ZNF362: variants seen among roughly 807,000 people sequenced by gnomAD.
The protein encoded by ZNF362 is zinc finger protein 362, also known as rotund homolog.
Under a neutral mutation model 42.9 loss-of-function variants are expected in ZNF362, and 11 were observed. That is an observed-to-expected ratio of 0.26 (90% CI 0.16 to 0.42). The LOEUF is 0.42. Among genes scored for constraint, ZNF362 ranks in the 20% least tolerant of loss-of-function variants. The pLI is 1.00. For synonymous variants in ZNF362, 255 were observed against 257.3 expected (o/e 0.99, Z 0.09); for missense variants, 362 against 576.2 (o/e 0.63, Z 3.81).
intron 4 of ZNF362, among the ~76,000 whole-genome samples, chr1:33,278,060 GTTA>G (rs1645964701): frequency 1.3e-5 from 2 of 152,088 alleles, no homozygotes; most frequent in South Asian, 2.1e-4. Context: ...TATGTCCCCT[GTTA>G]TTATGATTTT....
At chr1:33,197,607 A>G in the ZNF362 span, among the ~76,000 whole-genome samples, 1 of 152,204 alleles carries the variant, frequency 6.6e-6, no homozygotes, top group Non-Finnish European at 1.5e-5. Flanking sequence ...AAGGTGAGCT[A>G]AACAGTTTCC....
At chr1:33,205,941 T>C in the ZNF362 span, among the ~76,000 whole-genome samples, 2 of 151,908 alleles carry the variant, frequency 1.3e-5, no homozygotes, top group African/African-American at 4.8e-5. Flanking sequence ...AAATAAAAGA[T>C]AGACAAATAG....
At chr1:33,143,010 T>A in the ZNF362 span, 1 of 152,328 alleles carries the variant, frequency 6.6e-6, no homozygotes, top group South Asian at 2.1e-4. Context: ...GTTACTGCCA[T>A]TCTATCATTT....
At chr1:33,174,742 C>A in the ZNF362 span, among the ~76,000 whole-genome samples, 2 of 152,248 alleles carry the variant, frequency 1.3e-5, no homozygotes, top group African/African-American at 4.8e-5. Context: ...TAGGATTCAG[C>A]TCAACAGAGC....
chr1:33,297,081 G>A (rs1270186733), intron 8 of ZNF362, among the ~76,000 whole-genome samples: 1 of 152,134 alleles, frequency 6.6e-6, no homozygotes, highest in Non-Finnish European at 1.5e-5. Flanking sequence ...GCTAAGTGCT[G>A]AGTCTGTAAC....
chr1:33,256,166 A>AGGCGGC (rs1553177227), upstream of ZNF362, among the ~76,000 whole-genome samples: 3 of 147,018 alleles, frequency 2.0e-5, no homozygotes, highest in Non-Finnish European at 4.5e-5. Context: ...CAACTTTGCC[A>AGGCGGC]GGCGGTGGCG....
chr1:33,243,553 C>T, the ZNF362 span, among the ~76,000 whole-genome samples: 1 of 151,782 alleles, frequency 6.6e-6, no homozygotes, highest in Admixed American at 6.6e-5. Flanking sequence ...AAGTGATGGA[C>T]CTGAAGGAGA....
At chr1:33,181,556 GCTA>G in the ZNF362 span, 2 of 1,417,778 alleles carry the variant, frequency 1.4e-6, no homozygotes, top group African/African-American at 3.0e-5. This position sits in a 1 kb window ranked among gnomAD's most constrained non-coding sequence, Gnocchi z 6.5. Context: ...AGGGGTAGGA[GCTA>G]CCGGAGAAGG....
At chr1:33,222,008 A>G in the ZNF362 span, among the ~76,000 whole-genome samples, 2 of 152,300 alleles carry the variant, frequency 1.3e-5, no homozygotes, top group Non-Finnish European at 1.5e-5. Context: ...AGACAGAAAG[A>G]AAGAGTGAGG....
chr1:33,280,153 G>A lies in ZNF362; in HGVS notation c.379G>A (p.Val127Met). The A allele has an allele frequency of 1.9e-6, 3 of 1,596,962 alleles. No individual in the cohort carries two copies. The highest frequency in any genetic ancestry group is 2.6e-6 in the Non-Finnish European group (3 of 1,168,414). ...GGGGCTGTCCACCCGGACCCCGTCT[G>A]TGAGCACTTCTGAGTCAAGCGCGGG... is the stretch of plus-strand genomic sequence containing the variant. ...GLGLSTRTPS[V>M]STSESSAGAG... Residue 127 changes from valine to methionine, a missense_variant, in exon 5 of 9, where the codon GTG becomes ATG. Physicochemically the swap from Val to Met is conservative, Grantham distance 21 (BLOSUM62 1). This residue lies in a region of ZNF362 where 266 missense variants were observed against 365.4 expected (regional missense o/e 0.73). Coordinates refer to ENST00000539719, the MANE Select transcript of ZNF362 (RefSeq NM_152493.3). The surrounding 1 kb of genome is among the most constrained non-coding windows in gnomAD (Gnocchi z 5.6).
chr1:33,144,154 T>C, the ZNF362 span, among the ~76,000 whole-genome samples: 1 of 121,116 alleles, frequency 8.3e-6, no homozygotes, highest in Non-Finnish European at 1.8e-5. Flanking sequence ...TTTTTTTTTT[T>C]TGAGACGGAG....
In ZNF362 at chr1:33,280,379, C is replaced by A; in HGVS notation, c.605C>A (p.Pro202Gln). The A allele has an allele frequency of 6.2e-7, 1 of 1,613,668 alleles. No individual in the cohort carries two copies. The highest frequency in any genetic ancestry group is 2.2e-5 in the East Asian group (1 of 44,832). ...RGRKKIKAEN[P>Q]GGPPVLVVPY... ...CGCAAAAAGATCAAGGCGGAGAACC[C>A]GGGGGGTCCGCCTGTCCTTGTAGTC... Residue 202 changes from proline to glutamine, a missense_variant, in exon 5 of 9, where the codon CCG (proline) becomes CAG (glutamine). By Grantham distance (76) the Pro-to-Gln change is moderately conservative. Transcript: ENST00000539719. This position sits in a 1 kb window ranked among gnomAD's most constrained non-coding sequence, Gnocchi z 5.6.
chr1:33,283,741 A>G (rs546610032), intron 6 of ZNF362, among the ~76,000 whole-genome samples: 4 of 152,304 alleles, frequency 2.6e-5, no homozygotes, highest in South Asian at 2.1e-4. Flanking sequence ...AAATGGTACA[A>G]TGGCAGCAGG....
chr1:33,300,486 G>GA lies in ZNF362; in HGVS notation c.*1446dup, dbSNP rs1646159978. The GA allele has an allele frequency of 6.6e-6, 1 of 152,310 alleles. No individual in the cohort carries two copies. The highest frequency in any genetic ancestry group is 1.5e-5 in the Non-Finnish European group (1 of 68,014). 9.4% of individuals were successfully genotyped at this position (152,310 alleles called of 1,614,324 possible). ...TAGAACTAGTTACCTTATTAAAAAA[G>GA]AAAAAACAGTCTGTTGGCTTCTCAG... On this transcript the variant is annotated 3_prime_UTR_variant, in exon 9 of 9. Coordinates refer to ENST00000539719, the MANE Select transcript of ZNF362 (RefSeq NM_152493.3).
chr1:33,296,961 T>C (rs1215488763), intron 8 of ZNF362, among the ~76,000 whole-genome samples: 2 of 152,022 alleles, frequency 1.3e-5, no homozygotes, highest in African/African-American at 4.8e-5. Context: ...TGCACCACTG[T>C]GCCTGGCAGG....
At chr1:33,226,652 G>A in the ZNF362 span, among the ~76,000 whole-genome samples, 1 of 152,202 alleles carries the variant, frequency 6.6e-6, no homozygotes, top group Non-Finnish European at 1.5e-5. Context: ...ATCACCTGAG[G>A]TCAGGAGTTC....
At chr1:33,149,858 C>T in the ZNF362 span, among the ~76,000 whole-genome samples, 3 of 152,170 alleles carry the variant, frequency 2.0e-5, no homozygotes, top group Admixed American at 1.3e-4. Context: ...GGGCAAGGAC[C>T]GTGTACTGTC....
chr1:33,148,099 C>T, the ZNF362 span, among the ~76,000 whole-genome samples: 3 of 152,072 alleles, frequency 2.0e-5, no homozygotes, highest in East Asian at 5.8e-4. Flanking sequence ...TTGCTACTGC[C>T]CCCTAGGGGG....
the ZNF362 span, among the ~76,000 whole-genome samples, chr1:33,247,010 G>A: frequency 2.0e-5 from 3 of 152,220 alleles, no homozygotes; most frequent in African/African-American, 7.2e-5. Context: ...AAGAGGTGCA[G>A]AGAGGAAGGA....
Sources: gnomAD v4.1 joint callset for allele counts (sites outside exome capture counted in the v4.1 genomes callset) on GRCh38, gnomAD v4.1.1 for gene constraint, gnomAD v4.1.1 regional missense constraint, Gnocchi (gnomAD v3.1) non-coding constraint, MANE v1.5 for transcripts, NCBI Gene and HGNC (gene_info 2026-07-23, HGNC 2026-07-21) for gene names.